TEX26: variants seen among roughly 807,000 people sequenced by gnomAD.
TEX26 encodes the protein testis-expressed protein 26.
A neutral mutation model predicts 35.3 loss-of-function variants in TEX26; 34 were observed. The ratio of observed to expected loss-of-function variants is 0.96; its 90% CI spans 0.73 to 1.28. The LOEUF (loss-of-function observed/expected upper bound fraction) is 1.28. TEX26 is among the 50% of genes most tolerant of loss of function. The pLI is 0.00. For synonymous variants in TEX26, 136 were observed against 111.8 expected (o/e 1.22, Z -1.36); for missense variants, 371 against 330.1 (o/e 1.12, Z -0.96).
In TEX26 at chr13:30,966,399, G is replaced by A. The variant is rs761658298; in HGVS notation, c.646+1G>A. 10 of 1,602,384 alleles carry A rather than the reference G, an allele frequency of 6.2e-6. No individual in the cohort carries two copies. The highest frequency in any genetic ancestry group is 8.5e-6 in the Non-Finnish European group (10 of 1,173,342). ...TTGCCTGTTGCTTCTCAGGGTCTAG[G>A]TGAGTACAGCTGCAGTTTCTTTTTC... is the stretch of plus-strand genomic sequence containing the variant. On this transcript the variant is annotated splice_donor_variant, in intron 5 of 6. Coordinates refer to ENST00000380473, the MANE Select transcript of TEX26 (RefSeq NM_152325.3). LOFTEE classifies it high-confidence loss of function.
chr13:30,950,846 G>A (rs1464769502), intron 2 of TEX26, among the ~76,000 whole-genome samples: 1 of 152,178 alleles, frequency 6.6e-6, no homozygotes, highest in East Asian at 1.9e-4. Flanking sequence ...ACCCCCTCAG[G>A]GTTGGAGGCT....
intron 4 of TEX26, among the ~76,000 whole-genome samples, chr13:30,957,912 C>T (rs1954198265): frequency 6.6e-6 from 1 of 152,172 alleles, no homozygotes; most frequent in African/African-American, 2.4e-5. Context: ...CCTTGGAGTT[C>T]CTTGTGGATG....
chr13:30,945,095 G>A (rs950862535), intron 2 of TEX26, among the ~76,000 whole-genome samples: 20 of 151,864 alleles, frequency 1.3e-4, no homozygotes, highest in African/African-American at 4.1e-4. Flanking sequence ...CTTGGGTCTA[G>A]TAGTAAATAT....
At chr13:30,941,315 G>A (rs1355169763) in intron 2 of TEX26, among the ~76,000 whole-genome samples, 1 of 152,134 alleles carries the variant, frequency 6.6e-6, no homozygotes, top group Non-Finnish European at 1.5e-5. Context: ...TCCGTAACTG[G>A]GAAATTTTAT....
rs1440549044 is a variant in TEX26, at chr13:30,964,388, C to T, written c.470-1834C>T. Among the ~76,000 whole-genome samples, 3 of 152,184 alleles carry T rather than the reference C, an allele frequency of 2.0e-5. No individual in the cohort carries two copies. In the East Asian group the frequency reaches 5.8e-4, roughly 29 times the overall value. The stretch of plus-strand genomic sequence containing the variant: ...TTGCAAGACTTACCACATTCCCTAC[C>T]TGTTTGTTCTGTAGATATCTTTGTA... On this transcript the variant is annotated intron_variant, in intron 4 of 6. Transcript: ENST00000380473.
At position 30,938,750 on chromosome 13, in the gene TEX26, T is replaced by C. The variant is rs183842691; in HGVS notation, c.62-944T>C. ...ATCAGCAGTGTTTGACTCCCTTCTC[T>C]GGGACACTTTTTTTGACTTTCAGGA... On this transcript the variant is annotated intron_variant, in intron 1 of 6. Transcript: ENST00000380473. Among the ~76,000 whole-genome samples the C allele has an allele frequency of 2.6e-5, 4 of 152,348 alleles. No homozygotes were observed. The East Asian group carries it at 7.7e-4, about 29-fold the overall frequency.
intron 1 of TEX26, among the ~76,000 whole-genome samples, chr13:30,938,622 A>G (rs1359239121): frequency 2.6e-5 from 4 of 152,186 alleles, no homozygotes; most frequent in Non-Finnish European, 1.5e-5. Flanking sequence ...TGCTATCAAC[A>G]TATACATTTG....
At chr13:30,963,830 T>C (rs1157229365) in intron 4 of TEX26, among the ~76,000 whole-genome samples, 3 of 152,178 alleles carry the variant, frequency 2.0e-5, no homozygotes, top group South Asian at 4.1e-4. Context: ...GTTCATTCTA[T>C]AGATATTTAA....
chr13:30,943,001 A>C (rs1953570114), intron 2 of TEX26, among the ~76,000 whole-genome samples: 2 of 151,928 alleles, frequency 1.3e-5, no homozygotes, highest in Admixed American at 1.3e-4. Context: ...TGAATTTTAG[A>C]ATTGTTTTTT....
intron 4 of TEX26, among the ~76,000 whole-genome samples, chr13:30,958,127 C>T (rs1024901785): frequency 1.3e-5 from 2 of 152,178 alleles, no homozygotes; most frequent in South Asian, 4.1e-4. Context: ...CCTGGCTCTG[C>T]CCTTAGGGCT....
chr13:30,958,260 A>G (rs1013880928), intron 4 of TEX26, among the ~76,000 whole-genome samples: 1 of 152,214 alleles, frequency 6.6e-6, no homozygotes, highest in Non-Finnish European at 1.5e-5. Context: ...CAGAAATGAC[A>G]TATTTGGTGA....
rs145835136 is a variant in TEX26 at position 30,967,475 on chromosome 13, G to T, written c.646+1077G>T. ...ATTCCTTGCTAAACTTCTAGCCACTGGTTCCACTTCTTCCCATGGATGTTA... is the reference window on the plus strand; with the variant it reads ...ATTCCTTGCTAAACTTCTAGCCACTTGTTCCACTTCTTCCCATGGATGTTA... On this transcript the variant is annotated intron_variant, in intron 5 of 6. Transcript: ENST00000380473. 1.3e-3 allele frequency among the ~76,000 whole-genome samples: 205 copies of T among 152,304 alleles called. 2 individuals carry two copies. Among genetic ancestry groups the T allele is most frequent in the African/African-American group, 4.8e-3 (198 of 41,556 alleles).
intron 4 of TEX26, among the ~76,000 whole-genome samples, chr13:30,963,372 A>C (rs767848194): frequency 6.6e-6 from 1 of 152,160 alleles, no homozygotes; most frequent in Admixed American, 6.5e-5. Flanking sequence ...CTTTAGCACA[A>C]ATACGGGGGT....
rs913404292 is a variant in TEX26 at position 30,936,827 on chromosome 13, T to C, written c.62-2867T>C. ...GCTACACAAAAGGACATTGAGATAC[T>C]GAGAAGAAAGTAGTGACTTGCAGAG... On this transcript the variant is annotated intron_variant, in intron 1 of 6. Coordinates refer to ENST00000380473, the MANE Select transcript of TEX26 (RefSeq NM_152325.3). 8 of 985,266 alleles carry C rather than the reference T, an allele frequency of 8.1e-6. No homozygotes were observed. The East Asian group carries it at 9.1e-4, about 112-fold the overall frequency. 61.0% of individuals were successfully genotyped at this position (985,266 alleles called of 1,614,324 possible). A position where few individuals can be genotyped will look rare whatever the true frequency, so the allele number is the denominator to read the frequency against.
intron 4 of TEX26, among the ~76,000 whole-genome samples, chr13:30,960,711 A>G (rs1954307710): frequency 6.6e-6 from 1 of 152,204 alleles, no homozygotes; most frequent in South Asian, 2.1e-4. Context: ...GATATTTATG[A>G]TATAATTAAC....
chr13:30,940,068 C>T (rs1953421444), intron 2 of TEX26, among the ~76,000 whole-genome samples: 1 of 152,088 alleles, frequency 6.6e-6, no homozygotes, highest in Non-Finnish European at 1.5e-5. Flanking sequence ...TAAGGTTGTG[C>T]TACCTAAACA....
Position 30,970,238 on chromosome 13 carries a change from C to T in TEX26, c.808+1192C>T, listed in dbSNP as rs971142259. ...GCTGGGAGAAAGGAAGTATTTTCCA[C>T]TCTCACACATTGAGGGCTGAGAGCC... On this transcript the variant is annotated intron_variant, in intron 6 of 6. Transcript: ENST00000380473. Among the ~76,000 whole-genome samples, 9 of 151,888 alleles carry T rather than the reference C, an allele frequency of 5.9e-5. No homozygotes were observed. In the East Asian group the frequency reaches 1.7e-3, roughly 29 times the overall value.
chr13:30,973,086 T>C (rs1389514740), intron 6 of TEX26, among the ~76,000 whole-genome samples: 3 of 152,228 alleles, frequency 2.0e-5, no homozygotes, highest in Non-Finnish European at 2.9e-5. Context: ...TACAAGAATG[T>C]TTATAACCAC....
At chr13:30,961,317 G>A (rs962639853) in intron 4 of TEX26, among the ~76,000 whole-genome samples, 22 of 152,162 alleles carry the variant, frequency 1.4e-4, no homozygotes, top group Admixed American at 1.0e-3. Flanking sequence ...AAGGTGATCC[G>A]GGAAGCCACT....
Sources: allele counts gnomAD v4.1 joint callset (sites outside exome capture counted in the v4.1 genomes callset), GRCh38; gene constraint gnomAD v4.1.1; transcripts MANE v1.5; gene names NCBI Gene and HGNC (gene_info 2026-07-23, HGNC 2026-07-21).